EPHA3: variants seen among roughly 807,000 people sequenced by gnomAD.
The protein encoded by EPHA3 is EPH receptor A3.
In EPHA3, 42 loss-of-function variants were observed where a neutral mutation model predicts 107.1. The observed-to-expected ratio is 0.39, with a 90% CI of 0.31 to 0.51. EPHA3 has a LOEUF of 0.51. EPHA3 is among the 20% of genes least tolerant of loss of function. The pLI is 0.78. For missense variants in EPHA3, 1,183 were observed against 1,211.2 expected, an observed-to-expected ratio of 0.98 and a Z score of 0.35; for synonymous variants, 461 against 424.8, an observed-to-expected ratio of 1.09 and a Z score of -1.05.
Position 89,399,417 on chromosome 3 carries a change from G to A in EPHA3, c.1531G>A (p.Ala511Thr), listed in dbSNP as rs1708912682. The part of the protein sequence containing the change: ...PDTIYVFQIR[A>T]RTAAGYGTNS... ...CACTATATACGTATTCCAAATCCGA[G>A]CCCGAACAGCCGCTGGATATGGGAC... Residue 511 changes from alanine to threonine, a missense_variant, in exon 7 of 17, where the codon GCC becomes ACC. Physicochemically the swap from Ala to Thr is moderately conservative, Grantham distance 58 (BLOSUM62 0). Transcript: ENST00000336596. 6.2e-7 allele frequency: 1 copy of A among 1,614,080 alleles called. No individual in the cohort carries two copies. Among genetic ancestry groups the A allele is most frequent in the Non-Finnish European group, 8.5e-7 (1 of 1,180,020 alleles).
At chr3:89,273,848 G>A (rs2107302531) in intron 3 of EPHA3, among the ~76,000 whole-genome samples, 1 of 151,910 alleles carries the variant, frequency 6.6e-6, no homozygotes, top group East Asian at 1.9e-4. Context: ...TTCTCTGTAA[G>A]GCATATTACA....
intron 3 of EPHA3, among the ~76,000 whole-genome samples, chr3:89,327,101 A>C (rs935472152): frequency 2.6e-5 from 4 of 152,156 alleles, no homozygotes. Flanking sequence ...CATGAAGTGC[A>C]CTTACCTTAT....
At chr3:89,136,330 CTTTTTTTT>C (rs67054298) in intron 2 of EPHA3, among the ~76,000 whole-genome samples, 1 of 23,382 alleles carries the variant, frequency 4.3e-5, no homozygotes, top group East Asian at 1.3e-3. Context: ...ATCTTACAGG[CTTTTTTTT>C]TTTTTTTTTT....
At chr3:89,175,954 A>T (rs79841613) in intron 2 of EPHA3, among the ~76,000 whole-genome samples, 1,954 of 151,842 alleles carry the variant, frequency 0.013, 33 homozygotes, top group African/African-American at 0.045. Flanking sequence ...GCCACCACTG[A>T]CCCCCAAGTG....
chr3:89,282,314 TACTATATGCCAG>T (rs1705967482), intron 3 of EPHA3, among the ~76,000 whole-genome samples: 1 of 152,152 alleles, frequency 6.6e-6, no homozygotes, highest in Non-Finnish European at 1.5e-5. Flanking sequence ...ACTGAGCACA[TACTATATGCCAG>T]ACTTTGTTTT....
intron 3 of EPHA3, among the ~76,000 whole-genome samples, chr3:89,333,372 C>T (rs1016825274): frequency 2.0e-5 from 3 of 152,148 alleles, no homozygotes; most frequent in African/African-American, 7.2e-5. Context: ...TGGCTTCCTT[C>T]TATTATCTTA....
intron 10 of EPHA3, 152 bp downstream of exon 10, chr3:89,413,418 T>G (rs950031508): frequency 3.8e-5 from 39 of 1,013,400 alleles, no homozygotes; most frequent in African/African-American, 1.9e-4. Flanking sequence ...TAATGGAATG[T>G]AATGAGTTCA....
intron 5 of EPHA3, among the ~76,000 whole-genome samples, chr3:89,390,945 A>G (rs114025270): frequency 0.016 from 2,437 of 151,576 alleles, 68 homozygotes; most frequent in African/African-American, 0.056. Flanking sequence ...CCAGCACTAC[A>G]TCTGGCTCGT....
intron 2 of EPHA3, among the ~76,000 whole-genome samples, chr3:89,158,071 C>G (rs541442502): frequency 6.6e-6 from 1 of 151,976 alleles, no homozygotes; most frequent in Non-Finnish European, 1.5e-5. Flanking sequence ...TATACCATTG[C>G]TTCACAAATA....
At chr3:89,305,916 T>G (rs1706609903) in intron 3 of EPHA3, among the ~76,000 whole-genome samples, 1 of 152,128 alleles carries the variant, frequency 6.6e-6, no homozygotes, top group Non-Finnish European at 1.5e-5. Context: ...TTATGGAAAG[T>G]TCTATTTCCT....
Position 89,442,713 on chromosome 3 carries a change from T to A in EPHA3, c.2347-6512T>A, listed in dbSNP as rs542320257. Among the ~76,000 whole-genome samples, 3 of 152,308 alleles carry A rather than the reference T, an allele frequency of 2.0e-5. No individual in the cohort carries two copies. The South Asian group carries it at 6.2e-4, about 32-fold the overall frequency. Reference sequence around the variant, plus strand: ...CTCTCAGGTACTTTCTATTTTTTCCTGTCCATATTGGACTGCAAGATGCAT... The same window carrying A: ...CTCTCAGGTACTTTCTATTTTTTCCAGTCCATATTGGACTGCAAGATGCAT... On this transcript the variant is annotated intron_variant, in intron 13 of 16. Coordinates refer to ENST00000336596, the MANE Select transcript of EPHA3 (RefSeq NM_005233.6).
At chr3:89,245,729 A>C (rs915784433) in intron 3 of EPHA3, among the ~76,000 whole-genome samples, 5 of 152,230 alleles carry the variant, frequency 3.3e-5, no homozygotes, top group African/African-American at 4.8e-5. Context: ...ATGCCTGTGT[A>C]CATTATAGAC....
chr3:89,280,225 T>C (rs1705908527), intron 3 of EPHA3, among the ~76,000 whole-genome samples: 1 of 152,198 alleles, frequency 6.6e-6, no homozygotes. Context: ...TTGAATACCA[T>C]TTCATAGAAA....
intron 3 of EPHA3, among the ~76,000 whole-genome samples, chr3:89,316,477 A>ATGTGTG (rs59376338): frequency 4.6e-5 from 6 of 130,758 alleles, no homozygotes; most frequent in East Asian, 2.3e-4. Flanking sequence ...CTGTATATAT[A>ATGTGTG]TGTGTGTGTG....
intron 3 of EPHA3, among the ~76,000 whole-genome samples, chr3:89,228,744 T>C (rs1470945517): frequency 1.3e-5 from 2 of 151,868 alleles, no homozygotes; most frequent in African/African-American, 4.8e-5. Context: ...CAGAGAAGTA[T>C]GTAAGGACGT....
At chr3:89,280,590 CA>C (rs1233073741) in intron 3 of EPHA3, among the ~76,000 whole-genome samples, 1 of 152,092 alleles carries the variant, frequency 6.6e-6, no homozygotes, top group Non-Finnish European at 1.5e-5. Context: ...GTTTTAGTTG[CA>C]TTGAGCAATG....
At chr3:89,320,978 G>C (rs979757359) in intron 3 of EPHA3, among the ~76,000 whole-genome samples, 7 of 151,882 alleles carry the variant, frequency 4.6e-5, no homozygotes, top group African/African-American at 1.7e-4. Context: ...AAGAAATGAT[G>C]GGCTATGTAT....
chr3:89,466,374 T>C (rs1181374891), intron 15 of EPHA3, among the ~76,000 whole-genome samples: 42 of 87,340 alleles, frequency 4.8e-4, no homozygotes, highest in African/African-American at 1.8e-3. Context: ...TCGAGCTTCC[T>C]GGCTGCTTTG....
chr3:89,345,748 C>T (rs1707633811), intron 5 of EPHA3, among the ~76,000 whole-genome samples: 1 of 144,506 alleles, frequency 6.9e-6, no homozygotes, highest in Non-Finnish European at 1.5e-5. Context: ...GTATATCTCC[C>T]AATGCTATCT....
Sources: allele counts gnomAD v4.1 joint callset (sites outside exome capture counted in the v4.1 genomes callset), GRCh38; gene constraint gnomAD v4.1.1; transcripts MANE v1.5; gene names NCBI Gene and HGNC (gene_info 2026-07-23, HGNC 2026-07-21).